ADGRL3: variants seen among roughly 807,000 people sequenced by gnomAD.
The protein encoded by ADGRL3 is calcium-independent alpha-latrotoxin receptor 3.
Under a neutral mutation model 153.5 loss-of-function variants are expected in ADGRL3, and 62 were observed. The ratio of observed to expected loss-of-function variants is 0.40; its 90% CI spans 0.33 to 0.50. The LOEUF is 0.50. Among genes scored for constraint, ADGRL3 ranks in the 20% least tolerant of loss-of-function variants. The probability of loss-of-function intolerance (pLI) is 0.47; values close to 1 mark genes in which losing one functional copy is unlikely to be tolerated. For missense variants in ADGRL3, 1,641 were observed against 1,859.4 expected, an observed-to-expected ratio of 0.88 and a Z score of 2.16; for synonymous variants, 710 against 672.5, an observed-to-expected ratio of 1.06 and a Z score of -0.86.
chr4:61,945,922 G>T (rs931646303), intron 15 of ADGRL3, among the ~76,000 whole-genome samples: 1 of 152,158 alleles, frequency 6.6e-6, no homozygotes, highest in Non-Finnish European at 1.5e-5. Flanking sequence ...GGGAGCTGTA[G>T]ACTGGAGCTG....
In ADGRL3 at chr4:61,998,183, A is replaced by T. The variant is rs1340301234; in HGVS notation, c.3313A>T (p.Ile1105Phe). 3 of 1,564,700 alleles carry T rather than the reference A, an allele frequency of 1.9e-6. No homozygotes were observed. Among genetic ancestry groups the T allele is most frequent in the Non-Finnish European group, 2.6e-6 (3 of 1,154,126 alleles). The change falls in exon 21 of 27, where the codon ATC becomes TTC. Residue 1105 changes from isoleucine to phenylalanine, a missense_variant. Physicochemically the swap from Ile to Phe is conservative, Grantham distance 21. Coordinates refer to ENST00000683033, the MANE Select transcript of ADGRL3 (RefSeq NM_001387552.1). ...ACCTTTTGCATTCCAGCTTAATGTA[A>T]TCTTCCTTGGGATTGCTTTATATAA... ...PATLIIMLNV[I>F]FLGIALYKMF...
chr4:61,796,301 C>T (rs1027264462), intron 8 of ADGRL3, among the ~76,000 whole-genome samples: 1 of 152,082 alleles, frequency 6.6e-6, no homozygotes, highest in East Asian at 1.9e-4. Context: ...TTTGAATCTT[C>T]GTCATAATTC....
chr4:61,631,908 TGA>T (rs1256737223), intron 5 of ADGRL3, among the ~76,000 whole-genome samples: 1 of 152,106 alleles, frequency 6.6e-6, no homozygotes, highest in Non-Finnish European at 1.5e-5. Context: ...ATTACAGGCG[TGA>T]GCCACCACAC....
chr4:62,006,669 G>T (rs1172481303), intron 21 of ADGRL3, among the ~76,000 whole-genome samples: 1 of 147,972 alleles, frequency 6.8e-6, no homozygotes, highest in African/African-American at 2.5e-5. Context: ...TTCTATAATA[G>T]CAAATTATCC....
chr4:61,594,776 C>T (rs1254809086), intron 5 of ADGRL3, among the ~76,000 whole-genome samples: 1 of 152,100 alleles, frequency 6.6e-6, no homozygotes, highest in Non-Finnish European at 1.5e-5. Flanking sequence ...TTCCTCAGGC[C>T]CTGGGGAGTG....
chr4:61,851,641 G>C (rs1326255127), intron 9 of ADGRL3, among the ~76,000 whole-genome samples: 1 of 149,330 alleles, frequency 6.7e-6, no homozygotes, highest in Non-Finnish European at 1.5e-5. Flanking sequence ...CAATGCATTT[G>C]AGTGTCATTT....
At chr4:61,505,485 G>A (rs1029358527) in intron 3 of ADGRL3, among the ~76,000 whole-genome samples, 4 of 151,916 alleles carry the variant, frequency 2.6e-5, no homozygotes, top group Non-Finnish European at 4.4e-5. Context: ...AAACAGCAAG[G>A]CAATTCATTG....
At position 61,517,476 on chromosome 4, in the gene ADGRL3, G is replaced by T. The variant is rs756376964; in HGVS notation, c.217G>T (p.Val73Phe). 1.3e-5 allele frequency: 10 copies of T among 745,384 alleles called. No individual in the cohort carries two copies. The African/African-American group carries it at 1.4e-4, about 10-fold the overall frequency. 46.2% of individuals were successfully genotyped at this position (745,384 alleles called of 1,614,324 possible). ...GQGPRGATRG[V>F]RGPGAQGAQI... Reference sequence around the variant, plus strand: ...AGGGCCCCGTGGAGCTACCAGAGGAGTTCGCGGTCCAGGTGCCCAAGGAGC... The same window carrying T: ...AGGGCCCCGTGGAGCTACCAGAGGATTTCGCGGTCCAGGTGCCCAAGGAGC... The change falls in exon 4 of 27, where the codon GTT (valine) becomes TTT (phenylalanine). Residue 73 changes from valine to phenylalanine, a missense_variant. Coordinates refer to ENST00000683033, the MANE Select transcript of ADGRL3 (RefSeq NM_001387552.1).
At chr4:61,789,744 G>A (rs568010871) in intron 8 of ADGRL3, among the ~76,000 whole-genome samples, 47 of 152,206 alleles carry the variant, frequency 3.1e-4, no homozygotes, top group African/African-American at 1.1e-3. Flanking sequence ...TGTTTAATCA[G>A]TATTTTCACT....
intron 1 of ADGRL3, among the ~76,000 whole-genome samples, chr4:61,288,665 T>A (rs1383384270): frequency 2.0e-5 from 3 of 152,032 alleles, no homozygotes; most frequent in African/African-American, 7.2e-5. Context: ...AGGGGCTGCA[T>A]CACATAGAAC....
chr4:61,339,583 T>C lies in ADGRL3; in HGVS notation c.-239-43541T>C, dbSNP rs1409230922. 2.6e-5 allele frequency among the ~76,000 whole-genome samples: 4 copies of C among 152,196 alleles called. No homozygotes were observed. In the South Asian group the frequency reaches 6.2e-4, roughly 24 times the overall value. On this transcript the variant is annotated intron_variant, in intron 1 of 26. Transcript: ENST00000683033. ...TTCATTGCCATCAAATAGCACCCAC[T>C]TTCTAGTTATTTATACCATGCAAGA...
intron 25 of ADGRL3, among the ~76,000 whole-genome samples, chr4:62,052,501 G>T (rs1241526502): frequency 6.6e-6 from 1 of 151,174 alleles, no homozygotes; most frequent in Non-Finnish European, 1.5e-5. Flanking sequence ...TGAGGATATA[G>T]ATTGGCAAGC....
chr4:62,067,777 G>A (rs919862376), intron 25 of ADGRL3, among the ~76,000 whole-genome samples: 9 of 151,874 alleles, frequency 5.9e-5, no homozygotes, highest in Admixed American at 5.3e-4. Flanking sequence ...CTTGAAGCAC[G>A]TATACTCTAA....
chr4:62,026,901 C>A lies in ADGRL3; in HGVS notation c.3396-1954C>A, dbSNP rs932699767. Reference sequence around the variant, plus strand: ...TAACTGTTTTACTATCTACATGTATCCCATAGCATCATGCTGTGTATCCAA... The same window carrying A: ...TAACTGTTTTACTATCTACATGTATACCATAGCATCATGCTGTGTATCCAA... On this transcript the variant is annotated intron_variant, in intron 21 of 26. Transcript: ENST00000683033. 2.6e-5 allele frequency among the ~76,000 whole-genome samples: 4 copies of A among 152,092 alleles called. No homozygotes were observed. In the South Asian group the frequency reaches 8.3e-4, roughly 32 times the overall value.
intron 1 of ADGRL3, among the ~76,000 whole-genome samples, chr4:61,355,924 T>G (rs2096157014): frequency 6.6e-6 from 1 of 152,084 alleles, no homozygotes; most frequent in South Asian, 2.1e-4. Context: ...GCTCTTAATG[T>G]GTAATATGAT....
intron 8 of ADGRL3, among the ~76,000 whole-genome samples, chr4:61,753,506 A>G (rs2096782931): frequency 6.6e-6 from 1 of 152,160 alleles, no homozygotes; most frequent in South Asian, 2.1e-4. Flanking sequence ...CCTAACAAGA[A>G]CCTGAGCAGT....
rs374490844 is a variant in ADGRL3 at position 62,029,867 on chromosome 4, T to A, written c.3422+986T>A. Among the ~76,000 whole-genome samples the A allele has an allele frequency of 6.9e-4, 104 of 151,688 alleles. No individual in the cohort carries two copies. The South Asian group carries it at 0.02, about 29-fold the overall frequency. ...AATATTGCCTTGATTTAATGGCAAT[T>A]CTTATTTTTTCTTTTTCCAACGTCC... On this transcript the variant is annotated intron_variant, in intron 22 of 26. Transcript: ENST00000683033.
At chr4:61,569,142 T>C (rs766328871) in intron 4 of ADGRL3, among the ~76,000 whole-genome samples, 1 of 152,160 alleles carries the variant, frequency 6.6e-6, no homozygotes, top group Non-Finnish European at 1.5e-5. Flanking sequence ...TATAAAGTCA[T>C]GCTTAAAAGA....
At chr4:62,032,411 G>A (rs960189965) in intron 23 of ADGRL3, among the ~76,000 whole-genome samples, 3 of 151,278 alleles carry the variant, frequency 2.0e-5, no homozygotes, top group South Asian at 2.1e-4. Flanking sequence ...CAGTCACAAC[G>A]ACCCCTCAGC....
Sources: allele counts gnomAD v4.1 joint callset (sites outside exome capture counted in the v4.1 genomes callset), GRCh38; gene constraint gnomAD v4.1.1; transcripts MANE v1.5; gene names NCBI Gene and HGNC (gene_info 2026-07-23, HGNC 2026-07-21).